The following MESD variants were observed in gnomAD, a reference collection of about 807,000 sequenced individuals.
MESD encodes the protein LRP chaperone MESD.
Under a neutral mutation model 12.9 loss-of-function variants are expected in MESD, and 7 were observed. The ratio of observed to expected loss-of-function variants is 0.54; its 90% CI spans 0.31 to 1.02. The LOEUF is 1.02. Among genes scored for constraint, MESD ranks in the 50% least tolerant of loss-of-function variants. The pLI is 0.05. For synonymous variants in MESD, 126 were observed against 115.6 expected, an observed-to-expected ratio of 1.09 and a Z score of -0.58; for missense variants, 342 against 296.7, an observed-to-expected ratio of 1.15 and a Z score of -1.12.
At chr15:80,979,760 C>G (rs1226133551) in intron 2 of MESD, among the ~76,000 whole-genome samples, 56 of 152,152 alleles carry the variant, frequency 3.7e-4, no homozygotes, top group Admixed American at 3.7e-3. Flanking sequence ...GGAAAACCTC[C>G]CTAGGACACT....
chr15:80,982,284 T>A (rs1902603445), intron 1 of MESD, 102 bp from the exon 2 acceptor site: 4 of 857,336 alleles, frequency 4.7e-6, no homozygotes, highest in Non-Finnish European at 7.5e-6. Context: ...TGTATATGAC[T>A]TAAATTACAA....
chr15:80,973,501 T>C (rs1206891161), downstream of MESD, among the ~76,000 whole-genome samples: 11 of 152,180 alleles, frequency 7.2e-5, no homozygotes, highest in East Asian at 1.4e-3. Context: ...ATTGTGCCAC[T>C]GCACTCCAGT....
chr15:80,989,658 G>C lies in MESD; in HGVS notation c.134C>G (p.Thr45Ser). 6.2e-7 allele frequency: 1 copy of C among 1,613,820 alleles called. No individual in the cohort carries two copies. ...CTTCTTCTTCTTCCGGGGAGGTGGG[G>C]TAGACTCGTCGGGCGTCCCGGGCGA... is the stretch of plus-strand genomic sequence containing the variant. ...EGSPGTPDES[T>S]PPPRKKKKDI... Residue 45 changes from threonine (T) to serine (S), a missense_variant, in exon 1 of 3, where the codon ACC (threonine) becomes AGC (serine). Thr to Ser is a moderately conservative substitution (Grantham distance 58). Coordinates refer to ENST00000261758, the MANE Select transcript of MESD (RefSeq NM_015154.3).
exon 5 of MESD, chr15:80,948,743 G>C (rs1457038583): frequency 6.2e-7 from 1 of 1,612,592 alleles, no homozygotes; most frequent in Non-Finnish European, 8.5e-7. Context: ...AACGGGGTGG[G>C]GCAGCCGTCC....
rs1270705890 is a variant in MESD at position 80,989,598 on chromosome 15, C to G, written c.194G>C (p.Arg65Pro). ...GCGGACCTCCCATTGCTCCAGAAGA[C>G]GCGCCATGTCTGCATCATTGTAATC... ...IRDYNDADMARLLEQWEKDDD... is the reference protein window; with the variant it reads ...IRDYNDADMAPLLEQWEKDDD... The change falls in exon 1 of 3, where the codon CGT (arginine) becomes CCT (proline). Residue 65 changes from arginine (R) to proline (P), a missense_variant. Transcript: ENST00000261758. The G allele has an allele frequency of 6.2e-7, 1 of 1,613,536 alleles. No individual in the cohort carries two copies. Among genetic ancestry groups the G allele is most frequent in the Admixed American group, 1.7e-5 (1 of 60,016 alleles).
rs1241599069 is a variant in MESD, at chr15:80,952,877, G to A, written c.*289-581C>T. On this transcript the variant is annotated intron_variant, in intron 3 of 4. Coordinates refer to the MESD transcript ENST00000561312. ...ACAAATATTTTTGCACCCCTGCTCTGTGCCAGGCACGGTGCACACAGAGGA... is the reference window on the plus strand; with the variant it reads ...ACAAATATTTTTGCACCCCTGCTCTATGCCAGGCACGGTGCACACAGAGGA... The A allele has an allele frequency of 6.8e-6, 3 of 439,734 alleles. No homozygotes were observed. The Admixed American group carries it at 7.3e-5, about 11-fold the overall frequency. The allele number at this position is 439,734 out of a possible 1,614,324, so 27.2% of individuals were successfully genotyped here. A position where few individuals can be genotyped will look rare whatever the true frequency, so the allele number is the denominator to read the frequency against.
chr15:80,971,481 C>T (rs1902287556), downstream of MESD, among the ~76,000 whole-genome samples: 1 of 152,214 alleles, frequency 6.6e-6, no homozygotes, highest in African/African-American at 2.4e-5. Context: ...CCCCCTGCCC[C>T]TGATATCTAA....
chr15:80,975,936 G>A lies in MESD; in HGVS notation c.*3283C>T, dbSNP rs1045819376. Reference sequence around the variant, plus strand: ...TGAGCCGTGATCCTACTGCACTCTAGTGAGGGCAACAGAGTGAGACCCTGT... The same window carrying A: ...TGAGCCGTGATCCTACTGCACTCTAATGAGGGCAACAGAGTGAGACCCTGT... On this transcript the variant is annotated 3_prime_UTR_variant, in exon 3 of 3. Coordinates refer to ENST00000261758, the MANE Select transcript of MESD (RefSeq NM_015154.3). 6.6e-6 allele frequency: 1 copy of A among 152,192 alleles called. No homozygotes were observed. The highest frequency in any genetic ancestry group is 1.5e-5 in the Non-Finnish European group (1 of 68,034). The allele number at this position is 152,192 out of a possible 1,614,324, so 9.4% of individuals were successfully genotyped here.
In MESD at chr15:80,979,370, A is replaced by G; in HGVS notation, c.554T>C (p.Leu185Pro). 1 of 1,614,108 alleles carries G rather than the reference A, an allele frequency of 6.2e-7. No individual in the cohort carries two copies. Among genetic ancestry groups the G allele is most frequent in the Non-Finnish European group, 8.5e-7 (1 of 1,180,016 alleles). The change falls in exon 3 of 3, where the codon CTG (leucine) becomes CCG (proline). Residue 185 changes from leucine to proline, a missense_variant. Physicochemically the swap from Leu to Pro is moderately conservative, Grantham distance 98 (BLOSUM62 -3). Coordinates refer to ENST00000261758, the MANE Select transcript of MESD (RefSeq NM_015154.3). The part of the protein sequence containing the change: ...VGQDRCADVT[L>P]EGQVYPGKGG... ...TTTGCCGGGGTACACCTGGCCCTCC[A>G]GAGTTACATCAGCACACCTGTCTTG...
In MESD at chr15:80,975,871, T is replaced by C. The variant is rs1422984648; in HGVS notation, c.*3348A>G. ...TTTCTCCCAGCTATTTGGGAGGCTG[T>C]GGTGGGAAGATCAATTGAGCCGGTA... On this transcript the variant is annotated 3_prime_UTR_variant, in exon 3 of 3. Coordinates refer to ENST00000261758, the MANE Select transcript of MESD (RefSeq NM_015154.3). 1 of 152,150 alleles carries C rather than the reference T, an allele frequency of 6.6e-6. No individual in the cohort carries two copies. The highest frequency in any genetic ancestry group is 2.4e-5 in the African/African-American group (1 of 41,440). The allele number at this position is 152,150 out of a possible 1,614,324, so 9.4% of individuals were successfully genotyped here.
chr15:80,989,819 C>G lies in MESD; in HGVS notation c.-28G>C. The G allele has an allele frequency of 2.0e-6, 3 of 1,536,618 alleles. No individual in the cohort carries two copies. Among genetic ancestry groups the G allele is most frequent in the Non-Finnish European group, 2.6e-6 (3 of 1,146,120 alleles). On this transcript the variant is annotated 5_prime_UTR_variant, in exon 1 of 3. Transcript: ENST00000261758. ...TCGCTGCGCCGCGCAGCGCCCTAGA[C>G]GCGCTTACCCGACCTGCGCGGGCCG...
chr15:80,947,334 G>C (rs1053834301), exon 5 of MESD: 5 of 456,494 alleles, frequency 1.1e-5, no homozygotes, highest in Non-Finnish European at 2.0e-5. Context: ...CATTTGCTTG[G>C]AAAGTGGCCC....
rs1338603147 is a variant in MESD, at chr15:80,976,990, T to C, written c.*2229A>G. ...CCTGTGCAACCAGTGCAACCTGGAC[T>C]GCCTTTCACACCCACCCCATCACAA... On this transcript the variant is annotated 3_prime_UTR_variant, in exon 3 of 3. Transcript: ENST00000261758. The C allele has an allele frequency of 6.5e-6, 1 of 152,758 alleles. No individual in the cohort carries two copies. The highest frequency in any genetic ancestry group is 1.5e-5 in the Non-Finnish European group (1 of 68,340). 9.5% of individuals were successfully genotyped at this position (152,758 alleles called of 1,614,324 possible).
chr15:80,970,612 C>T (rs942517190), intron 3 of MESD: 6 of 152,354 alleles, frequency 3.9e-5, no homozygotes, highest in Middle Eastern at 3.4e-3. Flanking sequence ...AAATGAACTC[C>T]GTAGCTAACT....
chr15:80,972,663 G>A (rs972762324), downstream of MESD, among the ~76,000 whole-genome samples: 6 of 152,234 alleles, frequency 3.9e-5, no homozygotes, highest in Admixed American at 2.0e-4. Context: ...TTATGGCACA[G>A]CAAGAGGACG....
chr15:80,984,619 G>A (rs1596238384), intron 1 of MESD, among the ~76,000 whole-genome samples: 1 of 152,302 alleles, frequency 6.6e-6, no homozygotes, highest in South Asian at 2.1e-4. Flanking sequence ...CAGGGGAGGA[G>A]TGGTTGAAGG....
chr15:80,960,849 G>T (rs554782418), intron 3 of MESD, among the ~76,000 whole-genome samples: 1 of 152,310 alleles, frequency 6.6e-6, no homozygotes, highest in African/African-American at 2.4e-5. Context: ...GCCGAGACAT[G>T]TCCAGCAGCT....
chr15:80,948,174 G>A (rs1033190441), exon 5 of MESD: 2 of 158,752 alleles, frequency 1.3e-5, no homozygotes, highest in Non-Finnish European at 2.8e-5. Flanking sequence ...GGTGATAAAT[G>A]CATGTTGCCT....
At chr15:80,965,074 T>A (rs762410047) in intron 3 of MESD, among the ~76,000 whole-genome samples, 1 of 152,050 alleles carries the variant, frequency 6.6e-6, no homozygotes, top group Non-Finnish European at 1.5e-5. Flanking sequence ...AGGGCTAATA[T>A]CCAGAATCTA....
Sources: gnomAD v4.1 joint callset for allele counts (sites outside exome capture counted in the v4.1 genomes callset) on GRCh38, gnomAD v4.1.1 for gene constraint, MANE v1.5 for transcripts, NCBI Gene and HGNC (gene_info 2026-07-23, HGNC 2026-07-21) for gene names.